FBN2: variants seen among roughly 807,000 people sequenced by gnomAD.
The protein encoded by FBN2 is fibrillin 2, also known as fibrillin-2.
In FBN2, 105 loss-of-function variants were observed where a neutral mutation model predicts 355.6. That is an observed-to-expected ratio of 0.30 (90% CI 0.25 to 0.35). The LOEUF is 0.35. FBN2 is among the 10% of genes least tolerant of loss of function. The probability of loss-of-function intolerance (pLI) is 1.00; values close to 1 mark genes in which losing one functional copy is unlikely to be tolerated. For synonymous variants in FBN2, 1,350 were observed against 1,301.2 expected, an observed-to-expected ratio of 1.04 and a Z score of -0.81; for missense variants, 3,280 against 3,758.7, an observed-to-expected ratio of 0.87 and a Z score of 3.33.
intron 5 of FBN2, among the ~76,000 whole-genome samples, chr5:128,498,420 G>C (rs901409305): frequency 1.3e-5 from 2 of 152,024 alleles, no homozygotes; most frequent in Non-Finnish European, 2.9e-5. Context: ...GCTGTTCTTT[G>C]ATCTTGTCTA....
At chr5:128,386,177 C>T (rs1307619238) in intron 11 of FBN2, among the ~76,000 whole-genome samples, 1 of 152,104 alleles carries the variant, frequency 6.6e-6, no homozygotes, top group East Asian at 1.9e-4. Flanking sequence ...AGTCTTTAAT[C>T]AATCTTGAGT....
intron 5 of FBN2, among the ~76,000 whole-genome samples, chr5:128,496,512 A>G (rs961362183): frequency 6.6e-6 from 1 of 152,082 alleles, no homozygotes; most frequent in African/African-American, 2.4e-5. Flanking sequence ...TCCTCAGCAT[A>G]ATAAAGGGCC....
intron 7 of FBN2, among the ~76,000 whole-genome samples, chr5:128,437,952 G>A (rs1297661210): frequency 1.3e-5 from 2 of 152,172 alleles, no homozygotes; most frequent in East Asian, 3.9e-4. Context: ...TAGTTTGTTT[G>A]CAGTTGGTGA....
intron 5 of FBN2, among the ~76,000 whole-genome samples, chr5:128,476,521 T>C (rs1467058089): frequency 6.6e-6 from 1 of 151,912 alleles, no homozygotes; most frequent in African/African-American, 2.4e-5. Flanking sequence ...CCAAAAGTAT[T>C]AAACTGAGTC....
At chr5:128,355,717 A>G (rs368194080) in intron 20 of FBN2, among the ~76,000 whole-genome samples, 2 of 152,222 alleles carry the variant, frequency 1.3e-5, no homozygotes, top group Admixed American at 1.3e-4. Context: ...AAAAAAGTAC[A>G]TGAAATAATG....
Position 128,335,243 on chromosome 5 carries a change from G to C in FBN2, c.3900C>G (p.Thr1300=), listed in dbSNP as rs754193286. 1.9e-6 allele frequency: 3 copies of C among 1,613,882 alleles called. No individual in the cohort carries two copies. Among genetic ancestry groups the C allele is most frequent in the East Asian group, 4.5e-5 (2 of 44,884 alleles). The change falls in exon 30 of 65, where the codon ACC becomes ACG. Residue 1300 remains threonine (T), a synonymous_variant. Transcript: ENST00000262464. ...NPDICDGGQC[T]NIPGEYRCLC... ...GGCAGCGATACTCTCCAGGAATGTT[G>C]GTACACTGGCCGCCATCACAGATAT...
At chr5:128,363,456 C>G (rs1751690754) in intron 18 of FBN2, among the ~76,000 whole-genome samples, 1 of 152,144 alleles carries the variant, frequency 6.6e-6, no homozygotes, top group East Asian at 1.9e-4. Context: ...TCCCAAAGTA[C>G]TAGGATTACA....
chr5:128,284,256 C>T (rs1749071567), intron 55 of FBN2, among the ~76,000 whole-genome samples: 1 of 152,150 alleles, frequency 6.6e-6, no homozygotes, highest in Non-Finnish European at 1.5e-5. Context: ...GCTCAAAATT[C>T]CTATTTGTTT....
intron 64 of FBN2, among the ~76,000 whole-genome samples, chr5:128,261,376 C>T (rs1414247119): frequency 6.6e-6 from 1 of 152,138 alleles, no homozygotes; most frequent in Non-Finnish European, 1.5e-5. Context: ...TAAAATCAGC[C>T]TTGTATGCTA....
chr5:128,328,942 A>G (rs895493831), intron 33 of FBN2, 121 bp from the exon 34 acceptor site: 4 of 987,094 alleles, frequency 4.1e-6, no homozygotes, highest in Non-Finnish European at 6.3e-6. Flanking sequence ...ATGAAACAAC[A>G]GTTAATCACA....
intron 4 of FBN2, among the ~76,000 whole-genome samples, chr5:128,524,948 G>C (rs1756525044): frequency 6.6e-6 from 1 of 152,118 alleles, no homozygotes; most frequent in Admixed American, 6.6e-5. Context: ...CATCAATATG[G>C]TTTGACACAG....
Position 128,387,635 on chromosome 5 carries a change from C to G in FBN2, c.1603+4383G>C, listed in dbSNP as rs1487993400. Among the ~76,000 whole-genome samples the G allele has an allele frequency of 3.3e-5, 5 of 152,210 alleles. No individual in the cohort carries two copies. The South Asian group carries it at 1.0e-3, about 32-fold the overall frequency. On this transcript the variant is annotated intron_variant, in intron 11 of 64. Transcript: ENST00000262464. ...ACTCTTAACACTGCTTTAGCTGTGT[C>G]CTACAGATTCTGTTATGTTGTATCT... is the stretch of plus-strand genomic sequence containing the variant.
At chr5:128,480,043 CACAT>C (rs1480316128) in intron 5 of FBN2, among the ~76,000 whole-genome samples, 8 of 132,894 alleles carry the variant, frequency 6.0e-5, no homozygotes, top group Non-Finnish European at 9.5e-5. Flanking sequence ...CACACACACA[CACAT>C]ATTCTATGTA....
At chr5:128,344,645 T>G in intron 24 of FBN2, 135 bp from the exon 25 acceptor site, 1 of 763,678 alleles carries the variant, frequency 1.3e-6, no homozygotes, top group East Asian at 2.6e-5. Context: ...AATGTTTCAG[T>G]GATCACACTG....
At position 128,259,465 on chromosome 5, in the gene FBN2, T is replaced by C. The variant is rs1764904392; in HGVS notation, c.8729A>G (p.Gln2910Arg). 6.2e-7 allele frequency: 1 copy of C among 1,613,248 alleles called. No homozygotes were observed. The highest frequency in any genetic ancestry group is 8.5e-7 in the Non-Finnish European group (1 of 1,180,000). ...CAAGTCTGTGAAGGGTTAATAGAGC[T>C]GAATCTGCAGCCTCATTCTGAGAGC... ...GEALRMRLQI[Q>R]LY Residue 2910 changes from glutamine (Q) to arginine (R), a missense_variant, in exon 65 of 65, where the codon CAG becomes CGG. Coordinates refer to ENST00000262464, the MANE Select transcript of FBN2 (RefSeq NM_001999.4).
chr5:128,528,471 G>A (rs917942601), intron 3 of FBN2, among the ~76,000 whole-genome samples: 6 of 152,186 alleles, frequency 3.9e-5, no homozygotes, highest in Non-Finnish European at 8.8e-5. Context: ...CCAAGAAGGA[G>A]CTTAGATACT....
chr5:128,313,213 T>TA, intron 36 of FBN2, among the ~76,000 whole-genome samples: 1 of 151,454 alleles, frequency 6.6e-6, no homozygotes, highest in Non-Finnish European at 1.5e-5. Flanking sequence ...GCAACAAACT[T>TA]AGAGAAGATA....
At chr5:128,366,309 T>C (rs1315368781) in intron 17 of FBN2, 68 bp downstream of exon 17, 2 of 764,422 alleles carry the variant, frequency 2.6e-6, no homozygotes, top group Non-Finnish European at 4.4e-6. Flanking sequence ...CTCATATTAA[T>C]ATTAGAATTA....
chr5:128,509,877 G>C (rs1756066745), intron 5 of FBN2, among the ~76,000 whole-genome samples: 1 of 148,812 alleles, frequency 6.7e-6, no homozygotes, highest in African/African-American at 2.6e-5. Context: ...AATCTGGTTA[G>C]AGAGGAAGGC....
Sources: allele counts gnomAD v4.1 joint callset (sites outside exome capture counted in the v4.1 genomes callset), GRCh38; gene constraint gnomAD v4.1.1; transcripts MANE v1.5; gene names NCBI Gene and HGNC (gene_info 2026-07-23, HGNC 2026-07-21).